Variants in LCTL observed in about 807,000 individuals in gnomAD.
The protein encoded by LCTL is lactase like.
In LCTL, 76 loss-of-function variants were observed where a neutral mutation model predicts 75.8. The observed-to-expected ratio is 1.00, with a 90% confidence interval of 0.83 to 1.21. The LOEUF (loss-of-function observed/expected upper bound fraction) is 1.21, where lower values mean the gene tolerates loss of function less well. LCTL is among the 50% of genes most tolerant of loss of function. LCTL has a pLI of 0.00. For synonymous variants in LCTL, 271 were observed against 268.8 expected (o/e 1.01, Z -0.08); for missense variants, 670 against 712.4 (o/e 0.94, Z 0.68).
intron 12 of LCTL, 130 bp from the exon 14 acceptor site, chr15:66,548,735 A>T (rs1895478583): frequency 2.0e-6 from 1 of 508,380 alleles, no homozygotes; most frequent in African/African-American, 1.9e-5. Context: ...TCTGATTCTT[A>T]TTTGCCATGA....
rs143960341 is a variant in LCTL at position 66,563,610 on chromosome 15, T to G, written c.386A>C (p.Lys129Thr). The change falls in exon 4 of 13, where the codon AAG (lysine) becomes ACG (threonine). Residue 129 changes from lysine to threonine, a missense_variant. Transcript: ENST00000341509. ...ATCACTGTAGAATTCGATTCCCTTC[T>G]TGTTCACCTGCTCGGCTGCAGGTGA... 437 of 1,609,488 alleles carry G rather than the reference T, an allele frequency of 2.7e-4. 3 individuals carry two copies. In the African/African-American group the frequency reaches 4.1e-3, roughly 15 times the overall value.
chr15:66,557,235 A>G (rs1482714569), intron 8 of LCTL, among the ~76,000 whole-genome samples: 1 of 152,102 alleles, frequency 6.6e-6, no homozygotes, highest in Non-Finnish European at 1.5e-5. Flanking sequence ...TTTAGGTAGA[A>G]TTTTCTGTTA....
At chr15:66,558,298 G>C (rs764180329) in intron 6 of LCTL, among the ~76,000 whole-genome samples, 2 of 152,116 alleles carry the variant, frequency 1.3e-5, no homozygotes, top group Admixed American at 6.5e-5. Flanking sequence ...AAAGTTTCCT[G>C]TTTTGTTCCT....
intron 11 of LCTL, among the ~76,000 whole-genome samples, chr15:66,550,486 A>G (rs1296421129): frequency 6.6e-6 from 1 of 152,084 alleles, no homozygotes; most frequent in Non-Finnish European, 1.5e-5. Context: ...ACTCTATTTT[A>G]TTTCATTTTT....
chr15:66,552,396 C>A (rs531307528), intron 9 of LCTL, among the ~76,000 whole-genome samples: 2 of 152,146 alleles, frequency 1.3e-5, no homozygotes, highest in Non-Finnish European at 2.9e-5. Flanking sequence ...TGTTGCCAGG[C>A]GCGGTGGCTC....
chr15:66,554,637 C>T (rs1895699977), intron 8 of LCTL, among the ~76,000 whole-genome samples: 1 of 152,110 alleles, frequency 6.6e-6, no homozygotes, highest in Non-Finnish European at 1.5e-5. Context: ...GATGTTTGTA[C>T]AAGGATCTTC....
exon 1 of LCTL, chr15:66,565,249 A>G (rs1895996533): frequency 6.2e-7 from 1 of 1,602,034 alleles, no homozygotes; most frequent in African/African-American, 1.3e-5. Context: ...TGGCCGTACC[A>G]AGAGGGAAGG....
rs759025457 is a variant in LCTL at position 66,557,883 on chromosome 15, C to T, written c.761G>A (p.Gly254Asp). The T allele has an allele frequency of 3.7e-6, 6 of 1,613,490 alleles. No homozygotes were observed. In the Admixed American group the frequency reaches 8.3e-5, roughly 22 times the overall value. The change falls in exon 8 of 13, where the codon GGT becomes GAT. Residue 254 changes from glycine to aspartate, a missense_variant and splice_region_variant. Coordinates refer to ENST00000341509, the Ensembl canonical transcript of LCTL. ...ACAGTTCAATGAAATTCCCACCAGA[C>T]CTTAAAAGAAAAGAAAGAAAAGGGA...
chr15:66,564,104 T>C (rs909148121), intron 2 of LCTL, 106 bp from the exon 4 acceptor site: 5 of 754,148 alleles, frequency 6.6e-6, no homozygotes, highest in African/African-American at 1.7e-5. Context: ...TAGCTGTTAG[T>C]GGGCAAGGAA....
chr15:66,557,770 T>C lies in LCTL; in HGVS notation c.874A>G (p.Asn292Asp), dbSNP rs147223667. The C allele has an allele frequency of 2.6e-5, 42 of 1,614,022 alleles. No homozygotes were observed. The African/African-American group carries it at 5.5e-4, about 21-fold the overall frequency. ...GGGTAGTCACCGGCATAAATGGGGT[T>C]GGCAAACCAGCCCAGACAGAACTGT... is the stretch of plus-strand genomic sequence containing the variant. Residue 292 changes from asparagine (N) to aspartate (D), a missense_variant, in exon 8 of 13, where the codon AAC becomes GAC. Transcript: ENST00000341509.
At chr15:66,560,328 T>C (rs1437133684) in intron 6 of LCTL, among the ~76,000 whole-genome samples, 1 of 152,106 alleles carries the variant, frequency 6.6e-6, no homozygotes, top group Non-Finnish European at 1.5e-5. Context: ...TATACCCTCA[T>C]ACATGTCCTG....
At chr15:66,561,931 T>G (rs1895898473) in intron 4 of LCTL, among the ~76,000 whole-genome samples, 1 of 152,138 alleles carries the variant, frequency 6.6e-6, no homozygotes, top group African/African-American at 2.4e-5. Context: ...CCCAAGCCAC[T>G]TCTCCAGCCT....
chr15:66,563,401 C>T (rs556577901), intron 4 of LCTL, 115 bp downstream of exon 5: 10 of 623,282 alleles, frequency 1.6e-5, no homozygotes, highest in African/African-American at 9.1e-5. Context: ...TATAGTCCTG[C>T]GCCAGAATCC....
rs1289947345 is a variant in LCTL at position 66,563,422 on chromosome 15, C to G, written c.480+94G>C. 4.1e-6 allele frequency: 3 copies of G among 734,330 alleles called. No individual in the cohort carries two copies. The Admixed American group carries it at 6.9e-5, about 17-fold the overall frequency. The allele number at this position is 734,330 out of a possible 1,614,324, so 45.5% of individuals were successfully genotyped here. A position where few individuals can be genotyped will look rare whatever the true frequency, so the allele number is the denominator to read the frequency against. Reference sequence around the variant, plus strand: ...CCTGCGCCAGAATCCAGACCCTAGTCTCTGCTCCACCTTGGCAACCCAAGT... The same window carrying G: ...CCTGCGCCAGAATCCAGACCCTAGTGTCTGCTCCACCTTGGCAACCCAAGT... On this transcript the variant is annotated intron_variant, in intron 4 of 12. Coordinates refer to ENST00000341509, the Ensembl canonical transcript of LCTL.
chr15:66,551,056 C>T (rs1422910384), intron 11 of LCTL, among the ~76,000 whole-genome samples: 2 of 151,782 alleles, frequency 1.3e-5, no homozygotes, highest in Non-Finnish European at 1.5e-5. Flanking sequence ...TGCATTAAGA[C>T]ACAAGATTTG....
intron 8 of LCTL, among the ~76,000 whole-genome samples, chr15:66,554,793 T>A (rs1460600708): frequency 1.3e-5 from 2 of 152,136 alleles, no homozygotes; most frequent in Non-Finnish European, 2.9e-5. Flanking sequence ...GTGGAAAGCT[T>A]GCCAGGATAT....
chr15:66,557,365 C>T (rs867654545), intron 8 of LCTL, among the ~76,000 whole-genome samples: 21 of 152,052 alleles, frequency 1.4e-4, no homozygotes, highest in Non-Finnish European at 8.8e-5. Context: ...CAGAAAGAAC[C>T]GACAATAGAA....
At chr15:66,550,057 A>G (rs1895540262) in exon 12 of LCTL, 2 of 1,604,274 alleles carry the variant, frequency 1.2e-6, no homozygotes, top group Non-Finnish European at 1.7e-6. Flanking sequence ...CAAGCATCTG[A>G]TTGTTGATAG....
intron 8 of LCTL, among the ~76,000 whole-genome samples, chr15:66,556,493 C>T (rs148917193): frequency 3.9e-5 from 6 of 152,016 alleles, no homozygotes; most frequent in Admixed American, 6.6e-5. Context: ...TTAGTAGAGA[C>T]GGGGTTTCAC....
Sources: gnomAD v4.1 joint callset for allele counts (sites outside exome capture counted in the v4.1 genomes callset) on GRCh38, gnomAD v4.1.1 for gene constraint, MANE v1.5 for transcripts, NCBI Gene and HGNC (gene_info 2026-07-23, HGNC 2026-07-21) for gene names.